The following IQCE variants were observed in gnomAD, a reference collection of about 807,000 sequenced individuals.
The protein encoded by IQCE is IQ motif containing E.
Under a neutral mutation model 96.0 loss-of-function variants are expected in IQCE, and 115 were observed. The observed-to-expected ratio is 1.20, with a 90% confidence interval of 1.03 to 1.40. The LOEUF is 1.40. IQCE is among the 40% of genes most tolerant of loss of function. The pLI, the probability that IQCE is intolerant of heterozygous loss-of-function variation, is 0.00. For synonymous variants in IQCE, 412 were observed against 371.2 expected (o/e 1.11, Z -1.26); for missense variants, 1,041 against 909.1 (o/e 1.15, Z -1.87).
At chr7:2,599,436 T>A (rs1440953622) in intron 17 of IQCE, among the ~76,000 whole-genome samples, 3 of 152,168 alleles carry the variant, frequency 2.0e-5, no homozygotes, top group Admixed American at 6.5e-5. Flanking sequence ...CCTCAGGTGA[T>A]CCACCCATCT....
At chr7:2,589,604 T>C (rs1376150852) in intron 13 of IQCE, among the ~76,000 whole-genome samples, 1 of 152,074 alleles carries the variant, frequency 6.6e-6, no homozygotes, top group Non-Finnish European at 1.5e-5. Flanking sequence ...AGGGAAGATG[T>C]GCAGAGTCGT....
intron 19 of IQCE, 113 bp downstream of exon 19, chr7:2,605,104 A>G: frequency 1.4e-6 from 1 of 731,218 alleles, no homozygotes; most frequent in Non-Finnish European, 2.3e-6. Context: ...CCGCCCGCCC[A>G]GCAGGCGTCC....
At chr7:2,597,349 A>C (rs944641996) in intron 16 of IQCE, among the ~76,000 whole-genome samples, 5 of 152,258 alleles carry the variant, frequency 3.3e-5, no homozygotes, top group African/African-American at 1.2e-4. Context: ...GCCCGAAGGC[A>C]GGCCCTTCAC....
At chr7:2,591,480 C>G (rs1182742069) in intron 14 of IQCE, among the ~76,000 whole-genome samples, 2 of 152,126 alleles carry the variant, frequency 1.3e-5, no homozygotes, top group African/African-American at 4.8e-5. Context: ...TTTGCAAGAA[C>G]TACAGTGACT....
intron 5 of IQCE, 31 bp from the exon 6 acceptor site, chr7:2,573,387 T>C (rs1432887891): frequency 9.6e-7 from 1 of 1,036,998 alleles, no homozygotes; most frequent in Non-Finnish European, 1.5e-6. Flanking sequence ...TTGTAGATAG[T>C]CTTTGAAACG....
chr7:2,586,459 C>A, intron 12 of IQCE, 88 bp downstream of exon 12: 1 of 1,364,006 alleles, frequency 7.3e-7, no homozygotes, highest in Non-Finnish European at 1.0e-6. Flanking sequence ...CAACTGAGGA[C>A]AGGCACCACG....
intron 1 of IQCE, among the ~76,000 whole-genome samples, chr7:2,560,826 G>A (rs1002244298): frequency 2.7e-5 from 4 of 150,440 alleles, no homozygotes; most frequent in African/African-American, 7.3e-5. Context: ...GCGTGGTGGC[G>A]GGCGCCTGTA....
rs370111286 is a variant in IQCE, at chr7:2,578,614, C to T, written c.630+88C>T. Reference sequence around the variant, plus strand: ...GAGGGACGCCTTTCCCTGCAGCACCCACGCGTGAAGAGCAGCAGGCAGGGG... The same window carrying T: ...GAGGGACGCCTTTCCCTGCAGCACCTACGCGTGAAGAGCAGCAGGCAGGGG... On this transcript the variant is annotated intron_variant, in intron 8 of 21. Transcript: ENST00000402050. The T allele has an allele frequency of 3.2e-5, 45 of 1,426,772 alleles. No individual in the cohort carries two copies. The East Asian group carries it at 3.2e-4, about 10-fold the overall frequency. 88.4% of individuals were successfully genotyped at this position (1,426,772 alleles called of 1,614,324 possible). A position where few individuals can be genotyped will look rare whatever the true frequency, so the allele number is the denominator to read the frequency against.
At chr7:2,563,751 G>A (rs1013369303) in intron 1 of IQCE, among the ~76,000 whole-genome samples, 5 of 151,512 alleles carry the variant, frequency 3.3e-5, no homozygotes, top group Admixed American at 2.0e-4. Flanking sequence ...AAAATTAGCC[G>A]GGCGTGGTGG....
intron 5 of IQCE, 109 bp downstream of exon 5, chr7:2,572,435 A>T (rs1233955933): frequency 1.6e-6 from 2 of 1,222,820 alleles, no homozygotes; most frequent in East Asian, 2.5e-5. Context: ...GGCTTCGTGC[A>T]TGAGCTCCGT....
At chr7:2,582,477 A>C in intron 8 of IQCE, 103 bp from the exon 9 acceptor site, 1 of 912,798 alleles carries the variant, frequency 1.1e-6, no homozygotes, top group Non-Finnish European at 1.8e-6. Flanking sequence ...CGCTGGAGGG[A>C]GGAAGGACAG....
chr7:2,570,420 A>G (rs534455297), intron 3 of IQCE, among the ~76,000 whole-genome samples: 1 of 150,912 alleles, frequency 6.6e-6, no homozygotes, highest in Non-Finnish European at 1.5e-5. Flanking sequence ...ATAAATGACA[A>G]CTTAAATCTT....
At chr7:2,577,100 A>T (rs924086016) in intron 6 of IQCE, among the ~76,000 whole-genome samples, 1 of 152,166 alleles carries the variant, frequency 6.6e-6, no homozygotes, top group Non-Finnish European at 1.5e-5. Context: ...CTCACGTGAC[A>T]TCCAGATTTC....
At position 2,582,573 on chromosome 7, in the gene IQCE, C is replaced by G. The variant is rs200993165; in HGVS notation, c.631-7C>G. On this transcript the variant is annotated splice_region_variant and splice_polypyrimidine_tract_variant and intron_variant, in intron 8 of 21. Transcript: ENST00000402050. The stretch of plus-strand genomic sequence containing the variant: ...TGGCCTGCCTGATGGGCACGTTCCC[C>G]GGGCAGGTCATTAACGGGCTGAAGC... 7.4e-6 allele frequency: 12 copies of G among 1,613,688 alleles called. No homozygotes were observed. Among genetic ancestry groups the G allele is most frequent in the African/African-American group, 2.7e-5 (2 of 75,038 alleles).
rs763243525 is a variant in IQCE at position 2,593,036 on chromosome 7, A to G, written c.1259A>G (p.Gln420Arg). 1.9e-6 allele frequency: 3 copies of G among 1,607,612 alleles called. No homozygotes were observed. The African/African-American group carries it at 4.0e-5, about 21-fold the overall frequency. The change falls in exon 15 of 22, where the codon CAG becomes CGG. Residue 420 changes from glutamine (Q) to arginine (R), a missense_variant. Coordinates refer to ENST00000402050, the MANE Select transcript of IQCE (RefSeq NM_152558.5). ...QLLQRDLEVK[Q>R]LLQAKADLEK... ...CTTGTGTGCAGTTTGGAGGTGAAGCAGCTCCTGCAGGCGAAGGCCGACCTG... is the reference window on the plus strand; with the variant it reads ...CTTGTGTGCAGTTTGGAGGTGAAGCGGCTCCTGCAGGCGAAGGCCGACCTG...
At chr7:2,569,317 C>A (rs1395792834) in intron 3 of IQCE, among the ~76,000 whole-genome samples, 1 of 152,182 alleles carries the variant, frequency 6.6e-6, no homozygotes, top group Non-Finnish European at 1.5e-5. Context: ...TTCTTGCTTT[C>A]TCAAAGGCTT....
intron 18 of IQCE, among the ~76,000 whole-genome samples, chr7:2,602,507 C>T (rs1284905335): frequency 6.6e-6 from 1 of 152,184 alleles, no homozygotes; most frequent in South Asian, 2.1e-4. Flanking sequence ...GGCGCTGGGC[C>T]ACAGGGCTTC....
rs935211828 is a variant in IQCE, at chr7:2,578,590, AG to A, written c.630+67del. 3.8e-5 allele frequency: 60 copies of A among 1,563,662 alleles called. No individual in the cohort carries two copies. The African/African-American group carries it at 7.4e-4, about 19-fold the overall frequency. ...CGCTAGTTACTGGGGACAGCCACAG[AG>A]GGACGCCTTTCCCTGCAGCACCCAC... On this transcript the variant is annotated intron_variant, in intron 8 of 21. Coordinates refer to ENST00000402050, the MANE Select transcript of IQCE (RefSeq NM_152558.5).
chr7:2,588,298 G>T lies in IQCE; in HGVS notation c.1044+421G>T, dbSNP rs1479393884. On this transcript the variant is annotated intron_variant, in intron 13 of 21. Coordinates refer to ENST00000402050, the MANE Select transcript of IQCE (RefSeq NM_152558.5). Reference sequence around the variant, plus strand: ...CCCACATCCCCTATGCGACTGCAAAGTAGGAATTAGGCTGATTCTATTGGA... The same window carrying T: ...CCCACATCCCCTATGCGACTGCAAATTAGGAATTAGGCTGATTCTATTGGA... Among the ~76,000 whole-genome samples the T allele has an allele frequency of 2.6e-5, 4 of 152,268 alleles. No individual in the cohort carries two copies. The East Asian group carries it at 7.7e-4, about 29-fold the overall frequency.
Sources: allele counts gnomAD v4.1 joint callset (sites outside exome capture counted in the v4.1 genomes callset), GRCh38; gene constraint gnomAD v4.1.1; transcripts MANE v1.5; gene names NCBI Gene and HGNC (gene_info 2026-07-23, HGNC 2026-07-21).